Variants in GLIS3 observed in about 807,000 individuals in gnomAD.
GLIS3 encodes the protein GLIS family zinc finger 3, also known as zinc finger protein GLIS3.
In GLIS3, 53 loss-of-function variants were observed where a neutral mutation model predicts 78.6. The observed-to-expected ratio is 0.67, with a 90% CI of 0.54 to 0.85. The LOEUF is 0.85. GLIS3 is among the 40% of genes least tolerant of loss of function. The pLI is 0.00. For missense variants in GLIS3, 1,703 were observed against 1,231.1 expected, an observed-to-expected ratio of 1.38 and a Z score of -5.74; for synonymous variants, 684 against 509.9, an observed-to-expected ratio of 1.34 and a Z score of -4.60.
intron 4 of GLIS3, among the ~76,000 whole-genome samples, chr9:4,100,641 T>C (rs1199928676): frequency 6.6e-6 from 1 of 152,210 alleles, no homozygotes; most frequent in Non-Finnish European, 1.5e-5. Flanking sequence ...GTGGTGTCTC[T>C]TTCTTTTTAA....
chr9:4,473,782 A>C, the GLIS3 span, among the ~76,000 whole-genome samples: 1 of 152,152 alleles, frequency 6.6e-6, no homozygotes, highest in Non-Finnish European at 1.5e-5. Context: ...TAAACTTAAA[A>C]GTTAAATAAA....
intron 4 of GLIS3, among the ~76,000 whole-genome samples, chr9:4,019,011 G>C (rs1822656706): frequency 1.3e-5 from 2 of 152,192 alleles, no homozygotes; most frequent in African/African-American, 4.8e-5. Flanking sequence ...ACTTCACGCA[G>C]GGCTGGTGAG....
At chr9:4,465,181 A>C in the GLIS3 span, among the ~76,000 whole-genome samples, 3 of 152,254 alleles carry the variant, frequency 2.0e-5, no homozygotes, top group Admixed American at 6.5e-5. Context: ...TTTTCAGTTC[A>C]TGACCAGAGA....
chr9:4,135,330 T>A (rs1032066590), intron 2 of GLIS3, among the ~76,000 whole-genome samples: 1 of 152,178 alleles, frequency 6.6e-6, no homozygotes, highest in Non-Finnish European at 1.5e-5. Flanking sequence ...CCGACATCTA[T>A]CATTCCCTTA....
intron 2 of GLIS3, among the ~76,000 whole-genome samples, chr9:4,235,934 A>G (rs1243070090): frequency 6.6e-6 from 1 of 152,146 alleles, no homozygotes. Context: ...GACAGAAACA[A>G]CGATCACCTC....
At chr9:4,108,211 G>C (rs529090955) in intron 4 of GLIS3, among the ~76,000 whole-genome samples, 2 of 152,250 alleles carry the variant, frequency 1.3e-5, no homozygotes, top group East Asian at 3.9e-4. Context: ...TTTGGTCTAA[G>C]GAAGAGGTTT....
the GLIS3 span, among the ~76,000 whole-genome samples, chr9:4,482,966 C>A: frequency 1.3e-5 from 2 of 152,110 alleles, no homozygotes; most frequent in Non-Finnish European, 2.9e-5. Context: ...AGGAAAAAAA[C>A]ATTCTAACAA....
chr9:4,098,864 C>T (rs557787330), intron 4 of GLIS3, among the ~76,000 whole-genome samples: 1 of 152,260 alleles, frequency 6.6e-6, no homozygotes, highest in Admixed American at 6.5e-5. Context: ...GACATAAACC[C>T]GCATGCAGAG....
chr9:4,084,256 AACACACACACACACACACACACAC>A (rs370384726), intron 4 of GLIS3, among the ~76,000 whole-genome samples: 29 of 132,204 alleles, frequency 2.2e-4, no homozygotes, highest in Non-Finnish European at 4.4e-4. Context: ...TCCTCTCTCT[AACACACACACACACACACACACAC>A]ACACACACAC....
the GLIS3 span, among the ~76,000 whole-genome samples, chr9:4,378,410 G>C: frequency 6.6e-6 from 1 of 151,992 alleles, no homozygotes; most frequent in Non-Finnish European, 1.5e-5. Flanking sequence ...TTTAAAACAT[G>C]TTTTTGTTTG....
chr9:4,250,607 C>G (rs139585711), intron 2 of GLIS3, among the ~76,000 whole-genome samples: 1 of 152,214 alleles, frequency 6.6e-6, no homozygotes, highest in African/African-American at 2.4e-5. Context: ...GTGTCTCTAT[C>G]TCCTTCAGTT....
the GLIS3 span, among the ~76,000 whole-genome samples, chr9:4,378,597 T>C: frequency 4.2e-3 from 646 of 152,188 alleles, 2 homozygotes; most frequent in Non-Finnish European, 7.2e-3. Flanking sequence ...ATAGGTACAA[T>C]AACTATATAT....
intron 2 of GLIS3, among the ~76,000 whole-genome samples, chr9:4,335,833 G>C (rs1817747893): frequency 6.6e-6 from 1 of 152,156 alleles, no homozygotes; most frequent in Admixed American, 6.5e-5. Flanking sequence ...AGATTTAACA[G>C]GATAAGGTGA....
In GLIS3 at chr9:4,118,673, A is replaced by C; in HGVS notation, c.805T>G (p.Leu269Val). The change falls in exon 4 of 11, where the codon TTA (leucine) becomes GTA (valine). Residue 269 changes from leucine to valine, a missense_variant. Leu to Val is a conservative substitution (Grantham distance 32, BLOSUM62 1). Transcript: ENST00000381971. The surrounding 1 kb of genome is among the most constrained non-coding windows in gnomAD (Gnocchi z 4.7). Reference protein sequence around the residue: ...SMSSNSVSNSLPSYLFGTESS... With the variant: ...SMSSNSVSNSVPSYLFGTESS... Reference sequence around the variant, plus strand: ...TCCGTGCCAAAAAGGTAGGATGGTAATGAGTTAGAGACACTATTGCTGGAC... The same window carrying C: ...TCCGTGCCAAAAAGGTAGGATGGTACTGAGTTAGAGACACTATTGCTGGAC... 1 of 1,614,180 alleles carries C rather than the reference A, an allele frequency of 6.2e-7. No individual in the cohort carries two copies. Among genetic ancestry groups the C allele is most frequent in the Non-Finnish European group, 8.5e-7 (1 of 1,180,032 alleles).
At chr9:3,895,717 T>C (rs545966699) in intron 7 of GLIS3, among the ~76,000 whole-genome samples, 1 of 152,362 alleles carries the variant, frequency 6.6e-6, no homozygotes, top group Admixed American at 6.5e-5. Flanking sequence ...ATCTTCATGC[T>C]GTGCAAAGTA....
chr9:4,104,265 C>T lies in GLIS3; in HGVS notation c.1710+13503G>A, dbSNP rs576500964. Among the ~76,000 whole-genome samples, 3 of 152,166 alleles carry T rather than the reference C, an allele frequency of 2.0e-5. No individual in the cohort carries two copies. The East Asian group carries it at 5.8e-4, about 29-fold the overall frequency. Reference sequence around the variant, plus strand: ...CCTCCCTAAATCTCCCATGATCATCCCTATCTCAGTTAAAGATAACCCCCC... The same window carrying T: ...CCTCCCTAAATCTCCCATGATCATCTCTATCTCAGTTAAAGATAACCCCCC... On this transcript the variant is annotated intron_variant, in intron 4 of 10. Coordinates refer to ENST00000381971, the MANE Select transcript of GLIS3 (RefSeq NM_001042413.2).
intron 2 of GLIS3, among the ~76,000 whole-genome samples, chr9:4,334,625 G>A (rs144157365): frequency 5.0e-4 from 76 of 152,318 alleles, no homozygotes; most frequent in Middle Eastern, 3.4e-3. Flanking sequence ...GCCCAACCTG[G>A]CCTAGTGAGC....
At chr9:4,256,671 T>A (rs922541022) in intron 2 of GLIS3, among the ~76,000 whole-genome samples, 2 of 152,240 alleles carry the variant, frequency 1.3e-5, no homozygotes, top group African/African-American at 4.8e-5. Flanking sequence ...CACATTAAAA[T>A]TCACTTTATT....
At chr9:3,921,796 TAAGAA>T (rs1406422682) in intron 6 of GLIS3, among the ~76,000 whole-genome samples, 4 of 152,060 alleles carry the variant, frequency 2.6e-5, no homozygotes, top group African/African-American at 4.8e-5. Flanking sequence ...ATCCATAAAA[TAAGAA>T]AAGACAACAG....
Sources: gnomAD v4.1 joint callset for allele counts (sites outside exome capture counted in the v4.1 genomes callset) on GRCh38, gnomAD v4.1.1 for gene constraint, Gnocchi (gnomAD v3.1) non-coding constraint, MANE v1.5 for transcripts, NCBI Gene and HGNC (gene_info 2026-07-23, HGNC 2026-07-21) for gene names.